Variants in DYRK2 observed in about 807,000 individuals in gnomAD.
The protein encoded by DYRK2 is dual specificity tyrosine-phosphorylation-regulated kinase 2.
Under a neutral mutation model 41.6 loss-of-function variants are expected in DYRK2, and 12 were observed. The ratio of observed to expected loss-of-function variants is 0.29; its 90% CI spans 0.18 to 0.47. The LOEUF (loss-of-function observed/expected upper bound fraction) is 0.47. Ranked by LOEUF, DYRK2 falls within the 20% of genes least tolerant of loss-of-function variation. The pLI is 1.00. For synonymous variants in DYRK2, 322 were observed against 315.7 expected (o/e 1.02, Z -0.21); for missense variants, 678 against 798.4 (o/e 0.85, Z 1.82).
Position 67,649,864 on chromosome 12 carries a change from G to T in DYRK2, c.117G>T (p.Arg39=). The change falls in exon 2 of 3, where the codon CGG becomes CGT. Residue 39 remains arginine, a synonymous_variant. Coordinates refer to ENST00000344096, the MANE Select transcript of DYRK2 (RefSeq NM_006482.3). ...ASPGLGAGAT[R]SGVGTGPPSP... is the part of the protein sequence containing the mutation. ...CGGGGCTCGGTGCAGGGGCCACCCG[G>T]AGCGGAGTGGGGACTGGCCCGCCCT... The T allele has an allele frequency of 1.5e-6, 2 of 1,366,932 alleles. No individual in the cohort carries two copies. The allele number at this position is 1,366,932 out of a possible 1,614,324, so 84.7% of individuals were successfully genotyped here.
intron 2 of DYRK2, among the ~76,000 whole-genome samples, chr12:67,655,096 A>G (rs1188189042): frequency 6.6e-6 from 1 of 152,234 alleles, no homozygotes; most frequent in African/African-American, 2.4e-5. Context: ...TTACTAAAAC[A>G]TTTGTGATCA....
chr12:67,657,016 T>C lies in DYRK2; in HGVS notation c.199-90T>C, dbSNP rs1872488971. 2 of 1,318,236 alleles carry C rather than the reference T, an allele frequency of 1.5e-6. No homozygotes were observed. Among genetic ancestry groups the C allele is most frequent in the Non-Finnish European group, 1.0e-6 (1 of 990,242 alleles). The allele number at this position is 1,318,236 out of a possible 1,614,324, so 81.7% of individuals were successfully genotyped here. A position where few individuals can be genotyped will look rare whatever the true frequency, so the allele number is the denominator to read the frequency against. On this transcript the variant is annotated intron_variant, in intron 2 of 2. Coordinates refer to ENST00000344096, the MANE Select transcript of DYRK2 (RefSeq NM_006482.3). The surrounding 1 kb of genome is among the most constrained non-coding windows in gnomAD (Gnocchi z 4.8). The stretch of plus-strand genomic sequence containing the variant: ...CAAATGGGATTTTGTAAATGTGAGG[T>C]TGGGGGCGGTGGTGTTGTTGGGGGT...
In DYRK2 at chr12:67,658,766, A is replaced by G; in HGVS notation, c.*53A>G. ...GAAAGATACGACATTGCTGAGCCTT[A>G]CTGGGTTGAAAAGGAGTAGCTCAGA... On this transcript the variant is annotated 3_prime_UTR_variant, in exon 3 of 3. Coordinates refer to ENST00000344096, the MANE Select transcript of DYRK2 (RefSeq NM_006482.3). This position sits in a 1 kb window ranked among gnomAD's most constrained non-coding sequence, Gnocchi z 4.3. 6.5e-7 allele frequency: 1 copy of G among 1,532,960 alleles called. No individual in the cohort carries two copies. The highest frequency in any genetic ancestry group is 2.3e-5 in the East Asian group (1 of 44,098). The allele number at this position is 1,532,960 out of a possible 1,614,324, so 95.0% of individuals were successfully genotyped here.
At chr12:67,651,823 A>G (rs954735492) in intron 2 of DYRK2, among the ~76,000 whole-genome samples, 4 of 152,228 alleles carry the variant, frequency 2.6e-5, no homozygotes, top group Non-Finnish European at 5.9e-5. Flanking sequence ...GGTTTCATCA[A>G]GATTCCCCAG....
Position 67,657,160 on chromosome 12 carries a change from C to T in DYRK2, c.253C>T (p.His85Tyr), listed in dbSNP as rs1481687503. The part of the protein sequence containing the change: ...NDHLHVGSHA[H>Y]GQIQVQQLFE... ...TCACCTGCATGTCGGCAGCCACGCT[C>T]ACGGACAGATCCAGGTTCAACAGTT... Residue 85 changes from histidine to tyrosine, a missense_variant, in exon 3 of 3, where the codon CAC becomes TAC. Physicochemically the swap from His to Tyr is moderately conservative, Grantham distance 83 (BLOSUM62 2). Transcript: ENST00000344096. The surrounding 1 kb of genome is among the most constrained non-coding windows in gnomAD (Gnocchi z 4.8). 8.1e-6 allele frequency: 13 copies of T among 1,606,938 alleles called. No individual in the cohort carries two copies. The Middle Eastern group carries it at 1.0e-3, about 123-fold the overall frequency.
At chr12:67,651,092 C>G (rs1200456509) in intron 2 of DYRK2, among the ~76,000 whole-genome samples, 1 of 152,180 alleles carries the variant, frequency 6.6e-6, no homozygotes, top group East Asian at 1.9e-4. Context: ...TATCTTCCCC[C>G]TCCCTCTGTC....
intron 1 of DYRK2, chr12:67,649,594 C>T: frequency 1.7e-6 from 1 of 577,646 alleles, no homozygotes; most frequent in Non-Finnish European, 2.5e-6. Flanking sequence ...GCCAGGGCCC[C>T]ACTTAACTTT....
intron 2 of DYRK2, 34 bp downstream of exon 2, chr12:67,649,979 G>A: frequency 7.6e-7 from 1 of 1,314,570 alleles, no homozygotes; most frequent in Non-Finnish European, 9.7e-7. Context: ...CCGGGCGGTG[G>A]GGGCGGGAGG....
rs781395476 is a variant in DYRK2, at chr12:67,649,746, G to A, written c.50-51G>A. ...GCGGGGTTGGAGGGGGGGTCTGGGT[G>A]ACTTTCTCCCCCCTGACCCTCTTTT... On this transcript the variant is annotated intron_variant, in intron 1 of 2. Transcript: ENST00000344096. The A allele has an allele frequency of 1.5e-5, 19 of 1,304,140 alleles. No homozygotes were observed. In the African/African-American group the frequency reaches 2.4e-4, roughly 17 times the overall value. 80.8% of individuals were successfully genotyped at this position (1,304,140 alleles called of 1,614,324 possible).
rs1412074118 is a variant in DYRK2, at chr12:67,658,375, C to A, written c.1468C>A (p.Pro490Thr). The A allele has an allele frequency of 3.1e-6, 5 of 1,607,816 alleles. No individual in the cohort carries two copies. Among genetic ancestry groups the A allele is most frequent in the Non-Finnish European group, 4.2e-6 (5 of 1,177,198 alleles). ...GRSRRGKLRG[P>T]PESREWGNAL... ...TTCCCGGAGGGGGAAACTGAGGGGC[C>A]CACCGGAGAGCAGAGAGTGGGGGAA... is the stretch of plus-strand genomic sequence containing the variant. Residue 490 changes from proline (P) to threonine (T), a missense_variant, in exon 3 of 3, where the codon CCA becomes ACA. Pro to Thr is a conservative substitution (Grantham distance 38). Transcript: ENST00000344096. The surrounding 1 kb of genome is among the most constrained non-coding windows in gnomAD (Gnocchi z 4.3).
chr12:67,661,834 C>G lies in DYRK2; in HGVS notation c.*3121C>G, dbSNP rs1872631972. ...TATGCTAACACTAGACAAAAATCAACTGTATTTGTAAAAATTTACCTCAAA... is the reference window on the plus strand; with the variant it reads ...TATGCTAACACTAGACAAAAATCAAGTGTATTTGTAAAAATTTACCTCAAA... On this transcript the variant is annotated 3_prime_UTR_variant, in exon 3 of 3. Coordinates refer to ENST00000344096, the MANE Select transcript of DYRK2 (RefSeq NM_006482.3). 6.0e-6 allele frequency: 1 copy of G among 166,552 alleles called. No homozygotes were observed. The highest frequency in any genetic ancestry group is 2.1e-4 in the South Asian group (1 of 4,820). 10.3% of individuals were successfully genotyped at this position (166,552 alleles called of 1,614,324 possible).
In DYRK2 at chr12:67,661,214, AAAAG is replaced by A. The variant is rs1375324286; in HGVS notation, c.*2505_*2508del. Reference sequence around the variant, plus strand: ...ATTCTAGTTTGATTGTCATGTCAAAAAAAGAAAAATGTTGCATCTTTGTGATTTT... The same window carrying A: ...ATTCTAGTTTGATTGTCATGTCAAAAAAAAATGTTGCATCTTTGTGATTTT... On this transcript the variant is annotated 3_prime_UTR_variant, in exon 3 of 3. Coordinates refer to ENST00000344096, the MANE Select transcript of DYRK2 (RefSeq NM_006482.3). The A allele has an allele frequency of 6.0e-6, 1 of 166,996 alleles. No homozygotes were observed. The highest frequency in any genetic ancestry group is 1.5e-5 in the Non-Finnish European group (1 of 68,114). The allele number at this position is 166,996 out of a possible 1,614,324, so 10.3% of individuals were successfully genotyped here. A position where few individuals can be genotyped will look rare whatever the true frequency, so the allele number is the denominator to read the frequency against.
chr12:67,662,769 T>C lies in DYRK2; in HGVS notation c.*4056T>C, dbSNP rs1307472921. The C allele has an allele frequency of 1.3e-5, 2 of 155,690 alleles. No homozygotes were observed. Among genetic ancestry groups the C allele is most frequent in the Admixed American group, 6.5e-5 (1 of 15,276 alleles). 9.6% of individuals were successfully genotyped at this position (155,690 alleles called of 1,614,324 possible). ...TTAGAATGCAAAATGGATAGCTCTATATCAGGGTCTTGAGAAGTTAAAATA... is the reference window on the plus strand; with the variant it reads ...TTAGAATGCAAAATGGATAGCTCTACATCAGGGTCTTGAGAAGTTAAAATA... On this transcript the variant is annotated 3_prime_UTR_variant, in exon 3 of 3. Coordinates refer to ENST00000344096, the MANE Select transcript of DYRK2 (RefSeq NM_006482.3).
At position 67,662,259 on chromosome 12, in the gene DYRK2, T is replaced by A. The variant is rs1157738166; in HGVS notation, c.*3546T>A. Reference sequence around the variant, plus strand: ...CATTAAAAAAAGTATTTGTGAACTCTGTTTCTTAGGGGCTTGTACATCTCT... The same window carrying A: ...CATTAAAAAAAGTATTTGTGAACTCAGTTTCTTAGGGGCTTGTACATCTCT... On this transcript the variant is annotated 3_prime_UTR_variant, in exon 3 of 3. Coordinates refer to ENST00000344096, the MANE Select transcript of DYRK2 (RefSeq NM_006482.3). 1 of 166,940 alleles carries A rather than the reference T, an allele frequency of 6.0e-6. No individual in the cohort carries two copies. Among genetic ancestry groups the A allele is most frequent in the Non-Finnish European group, 1.5e-5 (1 of 68,060 alleles). The allele number at this position is 166,940 out of a possible 1,614,324, so 10.3% of individuals were successfully genotyped here. A position where few individuals can be genotyped will look rare whatever the true frequency, so the allele number is the denominator to read the frequency against.
Position 67,657,264 on chromosome 12 carries a change from G to A in DYRK2, c.357G>A (p.Leu119=). The A allele has an allele frequency of 1.2e-6, 2 of 1,614,080 alleles. No homozygotes were observed. The highest frequency in any genetic ancestry group is 8.5e-7 in the Non-Finnish European group (1 of 1,180,028). The change falls in exon 3 of 3, where the codon TTG becomes TTA. Residue 119 remains leucine (L), a synonymous_variant. Transcript: ENST00000344096. This position sits in a 1 kb window ranked among gnomAD's most constrained non-coding sequence, Gnocchi z 4.8. ...NGLTTVGKTG[L]PVVPERQLDS... is the part of the protein sequence containing the mutation. ...TTACAACAGTGGGCAAAACGGGCTT[G>A]CCAGTGGTGCCAGAGCGGCAGCTGG...
In DYRK2 at chr12:67,658,531, C is replaced by T; in HGVS notation, c.1624C>T (p.Pro542Ser). The change falls in exon 3 of 3, where the codon CCT becomes TCT. Residue 542 changes from proline to serine, a missense_variant. Around this residue, in one of 2 missense-constraint regions of DYRK2, gnomAD observed 393 missense variants for 519.1 expected, o/e 0.76. Coordinates refer to ENST00000344096, the MANE Select transcript of DYRK2 (RefSeq NM_006482.3). The surrounding 1 kb of genome is among the most constrained non-coding windows in gnomAD (Gnocchi z 4.3). ...CTGGCTGAGGAGGCGGTTGCCAAAG[C>T]CTCCCACCGGGGAGAAAACGTCAGT... is the stretch of plus-strand genomic sequence containing the variant. The part of the protein sequence containing the change: ...HPWLRRRLPK[P>S]PTGEKTSVKR... 1 of 1,613,480 alleles carries T rather than the reference C, an allele frequency of 6.2e-7. No homozygotes were observed. Among genetic ancestry groups the T allele is most frequent in the Non-Finnish European group, 8.5e-7 (1 of 1,179,642 alleles).
Position 67,658,698 on chromosome 12 carries a change from A to C in DYRK2, c.1791A>C (p.Pro597=), listed in dbSNP as rs1872551194. ...ATATTCAGCAGAGGACAGTGTTGCC[A>C]AAACTTGTTAGCTGAGCTCACGTCC... ...NGNIQQRTVL[P]KLVS Residue 597 remains proline (P), a synonymous_variant, in exon 3 of 3, where the codon CCA becomes CCC. Coordinates refer to ENST00000344096, the MANE Select transcript of DYRK2 (RefSeq NM_006482.3). This position sits in a 1 kb window ranked among gnomAD's most constrained non-coding sequence, Gnocchi z 4.3. 6.2e-7 allele frequency: 1 copy of C among 1,606,628 alleles called. No homozygotes were observed. Among genetic ancestry groups the C allele is most frequent in the African/African-American group, 1.3e-5 (1 of 74,720 alleles).
rs1428186497 is a variant in DYRK2, at chr12:67,662,553, T to C, written c.*3840T>C. On this transcript the variant is annotated 3_prime_UTR_variant, in exon 3 of 3. Transcript: ENST00000344096. ...ATCCTAGTGGCCAGTTCTATGATAC[T>C]GTATGTATTATACAGCTGATGACAG... 6.0e-6 allele frequency: 1 copy of C among 166,924 alleles called. No homozygotes were observed. The highest frequency in any genetic ancestry group is 1.9e-4 in the East Asian group (1 of 5,212). The allele number at this position is 166,924 out of a possible 1,614,324, so 10.3% of individuals were successfully genotyped here.
chr12:67,658,095 G>T lies in DYRK2; in HGVS notation c.1188G>T (p.Gly396=). The T allele has an allele frequency of 1.2e-6, 2 of 1,614,198 alleles. No homozygotes were observed. The highest frequency in any genetic ancestry group is 1.7e-6 in the Non-Finnish European group (2 of 1,180,050). ...ACCGGGCTCCAGAAGTGATCCTTGG[G>T]GCCAGGTATGGCATGCCCATTGATA... is the stretch of plus-strand genomic sequence containing the variant. ...RFYRAPEVIL[G]ARYGMPIDMW... The change falls in exon 3 of 3, where the codon GGG becomes GGT. Residue 396 remains glycine (G), a synonymous_variant. Coordinates refer to ENST00000344096, the MANE Select transcript of DYRK2 (RefSeq NM_006482.3). The surrounding 1 kb of genome is among the most constrained non-coding windows in gnomAD (Gnocchi z 4.3).
Sources: allele counts gnomAD v4.1 joint callset (sites outside exome capture counted in the v4.1 genomes callset), GRCh38; gene constraint gnomAD v4.1.1; regional missense constraint gnomAD v4.1.1; non-coding constraint Gnocchi (gnomAD v3.1); transcripts MANE v1.5; gene names NCBI Gene and HGNC (gene_info 2026-07-23, HGNC 2026-07-21).